The following TTLL11 variants were observed in gnomAD, a reference collection of about 807,000 sequenced individuals.
TTLL11 encodes the protein tubulin polyglutamylase TTLL11.
TTLL11 carries 42 observed loss-of-function variants against 51.7 expected under a neutral mutation model. That is an observed-to-expected ratio of 0.81 (90% CI 0.64 to 1.05). The LOEUF (loss-of-function observed/expected upper bound fraction) is 1.05, where lower values mean the gene tolerates loss of function less well. Ranked by LOEUF, TTLL11 falls within the 50% of genes least tolerant of loss-of-function variation. The probability of loss-of-function intolerance (pLI) is 0.00; values close to 1 mark genes in which losing one functional copy is unlikely to be tolerated. For synonymous variants in TTLL11, 381 were observed against 383.5 expected, an observed-to-expected ratio of 0.99 and a Z score of 0.08; for missense variants, 799 against 940.4, an observed-to-expected ratio of 0.85 and a Z score of 1.97.
At chr9:121,895,124 TA>T (rs2131454167) in intron 6 of TTLL11, among the ~76,000 whole-genome samples, 1 of 152,276 alleles carries the variant, frequency 6.6e-6, no homozygotes, top group East Asian at 1.9e-4. Flanking sequence ...TTACATGTCT[TA>T]AATGTAGTAA....
intron 8 of TTLL11, among the ~76,000 whole-genome samples, chr9:121,831,771 C>A (rs1168779847): frequency 6.6e-6 from 1 of 151,854 alleles, no homozygotes; most frequent in Non-Finnish European, 1.5e-5. Context: ...TGATCAAGAG[C>A]CTTTGGGGAC....
At chr9:121,911,018 A>C (rs989587022) in intron 6 of TTLL11, among the ~76,000 whole-genome samples, 3 of 152,170 alleles carry the variant, frequency 2.0e-5, no homozygotes, top group East Asian at 3.8e-4. Context: ...ACTCTTTTTA[A>C]CAATAATAAT....
intron 8 of TTLL11, among the ~76,000 whole-genome samples, chr9:121,837,312 A>AGTGGTAT (rs1554757881): frequency 1.3e-5 from 2 of 151,280 alleles, no homozygotes; most frequent in African/African-American, 2.4e-5. Context: ...TTATGGGTCA[A>AGTGGTAT]GTATTATTTT....
rs56249470 is a variant in TTLL11 at position 121,977,676 on chromosome 9, ATT to A, written c.1270-2699_1270-2698del. Reference sequence around the variant, plus strand: ...AAATATTTATTTTTAATTTAATTTAATTTTTTTTTTTTTTTGAGACAGAGTTT... The same window carrying A: ...AAATATTTATTTTTAATTTAATTTAATTTTTTTTTTTTTGAGACAGAGTTT... On this transcript the variant is annotated intron_variant, in intron 4 of 8. Transcript: ENST00000321582. Among the ~76,000 whole-genome samples the A allele has an allele frequency of 3.8e-3, 520 of 136,552 alleles. 1 individual carries two copies. Among genetic ancestry groups the A allele is most frequent in the African/African-American group, 9.7e-3 (363 of 37,516 alleles). 89.6% of individuals were successfully genotyped at this position (136,552 alleles called of 152,430 possible). A position where few individuals can be genotyped will look rare whatever the true frequency, so the allele number is the denominator to read the frequency against.
chr9:121,904,473 C>A (rs1839869257), intron 6 of TTLL11, among the ~76,000 whole-genome samples: 1 of 152,228 alleles, frequency 6.6e-6, no homozygotes, highest in Non-Finnish European at 1.5e-5. Flanking sequence ...CCACGCCCAG[C>A]CCAATACATT....
rs745940888 is a variant in TTLL11, at chr9:121,890,396, C to T, written c.1482-19648G>A. Reference sequence around the variant, plus strand: ...CACCAGTTTCCTGGCTCGCAACCTCCGCTTCCAATGTGTCCTTCATGTCAT... The same window carrying T: ...CACCAGTTTCCTGGCTCGCAACCTCTGCTTCCAATGTGTCCTTCATGTCAT... On this transcript the variant is annotated intron_variant, in intron 6 of 8. Transcript: ENST00000321582. The surrounding 1 kb of genome is among the most constrained non-coding windows in gnomAD (Gnocchi z 4.3). 3.3e-5 allele frequency among the ~76,000 whole-genome samples: 5 copies of T among 152,188 alleles called. No homozygotes were observed. Among genetic ancestry groups the T allele is most frequent in the Admixed American group, 6.5e-5 (1 of 15,272 alleles).
At chr9:121,922,798 T>G (rs1840590950) in intron 6 of TTLL11, among the ~76,000 whole-genome samples, 1 of 149,328 alleles carries the variant, frequency 6.7e-6, no homozygotes, top group African/African-American at 2.5e-5. Flanking sequence ...CATGCACATG[T>G]GTATATCAAA....
At chr9:121,860,889 T>C (rs1837985953) in intron 7 of TTLL11, among the ~76,000 whole-genome samples, 2 of 152,116 alleles carry the variant, frequency 1.3e-5, no homozygotes, top group African/African-American at 2.4e-5. Context: ...TTGTTTTTGT[T>C]TGGATTGTGT....
chr9:121,974,095 G>C lies in TTLL11; in HGVS notation c.1395C>G (p.Pro465=). 5 of 1,551,574 alleles carry C rather than the reference G, an allele frequency of 3.2e-6. No homozygotes were observed. Among genetic ancestry groups the C allele is most frequent in the Non-Finnish European group, 4.4e-6 (5 of 1,146,960 alleles). Residue 465 remains proline, a synonymous_variant, in exon 6 of 9, where the codon CCC becomes CCG. Transcript: ENST00000321582. ...ELSPGVFENV[P]SLVDEEVKVA... is the part of the protein sequence containing the mutation. ...CTTTCACTTCTTCATCAACGAGGCT[G>C]GGGACATTTTCAAACACCCCTGGAG...
At chr9:122,014,178 A>G (rs1361506299) in intron 3 of TTLL11, among the ~76,000 whole-genome samples, 1 of 152,136 alleles carries the variant, frequency 6.6e-6, no homozygotes, top group Non-Finnish European at 1.5e-5. Context: ...CAGCCTGGCC[A>G]ACATAGCAAA....
At chr9:122,049,385 C>T (rs769744559) in intron 1 of TTLL11, among the ~76,000 whole-genome samples, 8 of 152,150 alleles carry the variant, frequency 5.3e-5, no homozygotes, top group Non-Finnish European at 8.8e-5. Context: ...TTCCCAAGGT[C>T]ACAGAGGTAT....
At chr9:122,039,861 ATCTCTCTC>A (rs145587739) in intron 1 of TTLL11, among the ~76,000 whole-genome samples, 9 of 147,658 alleles carry the variant, frequency 6.1e-5, no homozygotes, top group Non-Finnish European at 9.0e-5. Context: ...CTCTTCCCTT[ATCTCTCTC>A]TCTCTCTCTC....
At chr9:121,946,822 G>A (rs1841687051) in intron 6 of TTLL11, among the ~76,000 whole-genome samples, 1 of 152,126 alleles carries the variant, frequency 6.6e-6, no homozygotes, top group Non-Finnish European at 1.5e-5. Context: ...AGGCAGAGAA[G>A]TTCCCTATTG....
chr9:122,074,831 T>A (rs1676393664), intron 1 of TTLL11, among the ~76,000 whole-genome samples: 1 of 151,648 alleles, frequency 6.6e-6, no homozygotes, highest in Non-Finnish European at 1.5e-5. Context: ...CCCAGGAATT[T>A]GATATTGTGC....
At chr9:122,008,978 C>G (rs1381184429) in intron 3 of TTLL11, among the ~76,000 whole-genome samples, 1 of 152,154 alleles carries the variant, frequency 6.6e-6, no homozygotes, top group Non-Finnish European at 1.5e-5. Context: ...TCTGTGGAAT[C>G]TAAATAAGTT....
chr9:121,893,503 A>G (rs1839338175), intron 6 of TTLL11, among the ~76,000 whole-genome samples: 1 of 152,238 alleles, frequency 6.6e-6, no homozygotes, highest in South Asian at 2.1e-4. Flanking sequence ...GGCTCAGAGA[A>G]GATGAATAAT....
chr9:121,969,574 G>A (rs1044246826), intron 6 of TTLL11, among the ~76,000 whole-genome samples: 7 of 152,144 alleles, frequency 4.6e-5, no homozygotes, highest in Non-Finnish European at 1.0e-4. Context: ...GTGAAGACCC[G>A]CCTCAGCAGT....
At chr9:121,841,042 G>A (rs1021231216) in intron 8 of TTLL11, among the ~76,000 whole-genome samples, 4 of 152,190 alleles carry the variant, frequency 2.6e-5, no homozygotes, top group African/African-American at 9.7e-5. Context: ...AGAGAGCATG[G>A]CTGTTTGGCA....
Position 121,847,544 on chromosome 9 carries a change from T to C in TTLL11, c.1840+12793A>G, listed in dbSNP as rs567200953. On this transcript the variant is annotated intron_variant, in intron 8 of 8. Transcript: ENST00000321582. ...TACAAATAAGTCTATGTCTACAAAT[T>C]TGATTAGATAAAATAGATCCATTCC... Among the ~76,000 whole-genome samples the C allele has an allele frequency of 6.6e-5, 10 of 152,294 alleles. No homozygotes were observed. The South Asian group carries it at 2.1e-3, about 32-fold the overall frequency.
Sources: gnomAD v4.1 joint callset for allele counts (sites outside exome capture counted in the v4.1 genomes callset) on GRCh38, gnomAD v4.1.1 for gene constraint, Gnocchi (gnomAD v3.1) non-coding constraint, MANE v1.5 for transcripts, NCBI Gene and HGNC (gene_info 2026-07-23, HGNC 2026-07-21) for gene names.